PSEN1: variants seen among roughly 807,000 people sequenced by gnomAD.
The protein encoded by PSEN1 is presenilin-1.
Under a neutral mutation model 53.5 loss-of-function variants are expected in PSEN1, and 15 were observed. That is an observed-to-expected ratio of 0.28 (90% CI 0.19 to 0.43). The LOEUF (loss-of-function observed/expected upper bound fraction) is 0.43. Ranked by LOEUF, PSEN1 falls within the 20% of genes least tolerant of loss-of-function variation. The probability of loss-of-function intolerance (pLI) is 1.00; values close to 1 mark genes in which losing one functional copy is unlikely to be tolerated. For missense variants in PSEN1, 387 were observed against 571.2 expected (o/e 0.68, Z 3.29); for synonymous variants, 208 against 209.8 (o/e 0.99, Z 0.08).
chr14:73,162,594 C>T (rs950183721), intron 3 of PSEN1, among the ~76,000 whole-genome samples: 2 of 151,618 alleles, frequency 1.3e-5, no homozygotes, highest in Non-Finnish European at 1.5e-5. Flanking sequence ...AGGAGGTCAA[C>T]GCTGTGGTAA....
intron 8 of PSEN1, among the ~76,000 whole-genome samples, chr14:73,203,136 T>C (rs1255301509): frequency 6.6e-6 from 1 of 152,146 alleles, no homozygotes; most frequent in Non-Finnish European, 1.5e-5. Flanking sequence ...TGAAGTGCAA[T>C]GGCACAATCT....
chr14:73,180,308 AAG>A (rs1898172544), intron 5 of PSEN1, among the ~76,000 whole-genome samples: 2 of 152,268 alleles, frequency 1.3e-5, no homozygotes, highest in South Asian at 4.1e-4. Context: ...TAGACAGTTT[AAG>A]AGGTTTGTAT....
chr14:73,155,080 A>T (rs1438175206), intron 3 of PSEN1, among the ~76,000 whole-genome samples: 1 of 152,244 alleles, frequency 6.6e-6, no homozygotes, highest in Non-Finnish European at 1.5e-5. Context: ...TCCTATAAAA[A>T]TATTACCATA....
intron 1 of PSEN1, among the ~76,000 whole-genome samples, chr14:73,143,828 G>A (rs1436144172): frequency 6.6e-6 from 1 of 151,728 alleles, no homozygotes; most frequent in Non-Finnish European, 1.5e-5. Flanking sequence ...GGGCGATACA[G>A]CAAGACCCTT....
chr14:73,185,142 G>C (rs1898449299), intron 5 of PSEN1, among the ~76,000 whole-genome samples: 1 of 151,400 alleles, frequency 6.6e-6, no homozygotes, highest in South Asian at 2.1e-4. Context: ...AGGCAGAGGG[G>C]CTCCTCACAT....
At position 73,219,602 on chromosome 14, in the gene PSEN1, C is replaced by A. The variant is rs362384; in HGVS notation, c.*313C>A. On this transcript the variant is annotated 3_prime_UTR_variant, in exon 12 of 12. Coordinates refer to ENST00000324501, the MANE Select transcript of PSEN1 (RefSeq NM_000021.4). ...TTGCTGTGCCCCATCAGCAGCTTGA[C>A]GCGTGGTCACAGGACGATTTCACTG... 29,069 of 389,528 alleles carry A rather than the reference C, an allele frequency of 0.075. 1,245 individuals carry two copies. The highest frequency in any genetic ancestry group is 0.095 in the African/African-American group (4,609 of 48,668). 24.1% of individuals were successfully genotyped at this position (389,528 alleles called of 1,614,324 possible).
chr14:73,215,976 G>A (rs769779308), intron 10 of PSEN1, among the ~76,000 whole-genome samples: 16 of 152,090 alleles, frequency 1.1e-4, no homozygotes, highest in African/African-American at 3.6e-4. Context: ...AAAACAGTCC[G>A]TCCCCACAGA....
chr14:73,206,311 G>A, intron 8 of PSEN1, 75 bp from the exon 9 acceptor site: 2 of 1,022,942 alleles, frequency 2.0e-6, no homozygotes, highest in South Asian at 2.6e-5. Context: ...TTTGTGTGGA[G>A]AAATGATGGC....
At chr14:73,147,011 A>G (rs1342434682) in intron 1 of PSEN1, among the ~76,000 whole-genome samples, 1 of 150,878 alleles carries the variant, frequency 6.6e-6, no homozygotes, top group African/African-American at 2.4e-5. Flanking sequence ...ATCAAAGGAG[A>G]GGTCTGAGGC....
intron 3 of PSEN1, among the ~76,000 whole-genome samples, chr14:73,165,511 C>T (rs956090375): frequency 3.3e-5 from 5 of 151,206 alleles, no homozygotes; most frequent in African/African-American, 1.2e-4. Flanking sequence ...TTTGGGAGGC[C>T]GAGGTGGGCG....
intron 1 of PSEN1, chr14:73,146,231 C>CA (rs933100174): frequency 1.3e-5 from 2 of 148,912 alleles, no homozygotes; most frequent in African/African-American, 5.0e-5. Flanking sequence ...CTCTGTTGCC[C>CA]AGGCTGAGTA....
intron 3 of PSEN1, among the ~76,000 whole-genome samples, chr14:73,156,236 G>A (rs973760138): frequency 6.6e-6 from 1 of 151,874 alleles, no homozygotes; most frequent in African/African-American, 2.4e-5. Context: ...TGTGCCTATA[G>A]TCCCAGGTAC....
Position 73,198,275 on chromosome 14 carries a change from C to T in PSEN1, c.868+146C>T. On this transcript the variant is annotated intron_variant, in intron 8 of 11. Transcript: ENST00000324501. ...GAACTCCTGCAGATCTCTTTGTTTC[C>T]TTGCAAGCAATTGTCTTCTACCTGA... The T allele has an allele frequency of 2.6e-5, 17 of 643,138 alleles. No homozygotes were observed. The South Asian group carries it at 3.0e-4, about 12-fold the overall frequency. The allele number at this position is 643,138 out of a possible 1,614,324, so 39.8% of individuals were successfully genotyped here.
At chr14:73,216,185 G>A (rs899039829) in intron 10 of PSEN1, among the ~76,000 whole-genome samples, 8 of 152,226 alleles carry the variant, frequency 5.3e-5, no homozygotes, top group Admixed American at 1.3e-4. Context: ...TAAAATAGGC[G>A]AGGCATGTAT....
chr14:73,193,826 T>C (rs1292617211), intron 7 of PSEN1, among the ~76,000 whole-genome samples: 2 of 151,658 alleles, frequency 1.3e-5, no homozygotes, highest in African/African-American at 4.8e-5. Flanking sequence ...CTGACTAACT[T>C]GTTTATTTTT....
chr14:73,191,276 A>G (rs994418304), intron 6 of PSEN1, among the ~76,000 whole-genome samples: 1 of 152,166 alleles, frequency 6.6e-6, no homozygotes, highest in African/African-American at 2.4e-5. Flanking sequence ...CTCTCACACT[A>G]CTTTGCATAA....
intron 1 of PSEN1, among the ~76,000 whole-genome samples, chr14:73,144,331 C>A (rs910903666): frequency 2.6e-5 from 4 of 152,030 alleles, no homozygotes; most frequent in Non-Finnish European, 5.9e-5. Context: ...TGAGCCACTG[C>A]GCCCAGCCAG....
intron 3 of PSEN1, among the ~76,000 whole-genome samples, chr14:73,161,785 A>T (rs1404698613): frequency 1.3e-5 from 2 of 152,186 alleles, no homozygotes; most frequent in African/African-American, 4.8e-5. Context: ...ACTGTGTGAC[A>T]CAAGGCCCTC....
At chr14:73,184,095 G>C (rs1444831599) in intron 5 of PSEN1, among the ~76,000 whole-genome samples, 3 of 129,042 alleles carry the variant, frequency 2.3e-5, no homozygotes, top group Non-Finnish European at 4.9e-5. Context: ...GGCTGGCCGG[G>C]CGGGGGGCTG....
Sources: allele counts gnomAD v4.1 joint callset (sites outside exome capture counted in the v4.1 genomes callset), GRCh38; gene constraint gnomAD v4.1.1; transcripts MANE v1.5; gene names NCBI Gene and HGNC (gene_info 2026-07-23, HGNC 2026-07-21).